Variants in MECOM observed in about 807,000 individuals in gnomAD.
The protein encoded by MECOM is MDS1 and EVI1 complex locus.
Under a neutral mutation model 116.3 loss-of-function variants are expected in MECOM, and 13 were observed. The ratio of observed to expected loss-of-function variants is 0.11; its 90% CI spans 0.07 to 0.18. The LOEUF (loss-of-function observed/expected upper bound fraction) is 0.18. MECOM is among the 10% of genes least tolerant of loss of function. The pLI is 1.00. For missense variants in MECOM, 1,299 were observed against 1,509.0 expected (o/e 0.86, Z 2.31); for synonymous variants, 528 against 535.2 (o/e 0.99, Z 0.19).
chr3:169,147,947 G>T (rs1740427778), intron 2 of MECOM, among the ~76,000 whole-genome samples: 1 of 151,930 alleles, frequency 6.6e-6, no homozygotes. Context: ...AAATAGTTTA[G>T]AAATTCTCAG....
At chr3:169,286,873 T>C (rs1017487562) in intron 2 of MECOM, among the ~76,000 whole-genome samples, 1 of 152,118 alleles carries the variant, frequency 6.6e-6, no homozygotes, top group African/African-American at 2.4e-5. Flanking sequence ...GCCTCCCTTA[T>C]TCTGATCTCA....
At position 169,612,847 on chromosome 3, in the gene MECOM, C is replaced by T. The variant is rs558448210; in HGVS notation, c.37+50489G>A. ...ACTGTCCTATACACCTAAAGATTTC[C>T]CCACAAGAGAAAGGGTTAGGCCGTA... is the stretch of plus-strand genomic sequence containing the variant. On this transcript the variant is annotated intron_variant, in intron 1 of 16. Coordinates refer to ENST00000651503, the MANE Select transcript of MECOM (RefSeq NM_004991.4). Among the ~76,000 whole-genome samples, 7 of 152,216 alleles carry T rather than the reference C, an allele frequency of 4.6e-5. No homozygotes were observed. In the East Asian group the frequency reaches 1.2e-3, roughly 25 times the overall value.
chr3:169,526,100 T>C (rs1056220615), intron 1 of MECOM, among the ~76,000 whole-genome samples: 3 of 151,948 alleles, frequency 2.0e-5, no homozygotes, highest in Non-Finnish European at 4.4e-5. Flanking sequence ...ACAAATGCAC[T>C]GGAGGAAAAC....
At chr3:169,126,806 G>C (rs1429928559) in intron 5 of MECOM, among the ~76,000 whole-genome samples, 1 of 151,914 alleles carries the variant, frequency 6.6e-6, no homozygotes, top group Non-Finnish European at 1.5e-5. Context: ...CTAAACATGA[G>C]GTGAAAATGA....
intron 2 of MECOM, chr3:169,146,328 C>A: frequency 7.7e-7 from 1 of 1,297,766 alleles, no homozygotes. Context: ...GAGAGCGGCT[C>A]CAAAGTCGCG....
intron 1 of MECOM, among the ~76,000 whole-genome samples, chr3:169,472,633 A>AAAAGAAAAGGAAAGGAAAGG (rs1749680508): frequency 1.5e-4 from 9 of 60,334 alleles, no homozygotes; most frequent in African/African-American, 2.1e-4. Context: ...AAAAGAAAAG[A>AAAAGAAAAGGAAAGGAAAGG]AAAGGAAAGG....
At chr3:169,170,423 A>C (rs1263907765) in intron 2 of MECOM, among the ~76,000 whole-genome samples, 1 of 151,714 alleles carries the variant, frequency 6.6e-6, no homozygotes, top group Non-Finnish European at 1.5e-5. Flanking sequence ...AAAAAAAAAA[A>C]AAAAATCAAA....
At chr3:169,190,620 G>A (rs143157226) in intron 2 of MECOM, among the ~76,000 whole-genome samples, 52 of 152,066 alleles carry the variant, frequency 3.4e-4, no homozygotes, top group Non-Finnish European at 6.9e-4. Flanking sequence ...TCAGAGAAGT[G>A]GCTTGTCCAA....
chr3:169,465,867 T>C (rs1001345555), intron 1 of MECOM, among the ~76,000 whole-genome samples: 18 of 152,228 alleles, frequency 1.2e-4, no homozygotes, highest in Non-Finnish European at 2.9e-5. Context: ...CAATTACAGT[T>C]CTTCTGGGCT....
intron 1 of MECOM, among the ~76,000 whole-genome samples, chr3:169,480,010 C>T (rs371869420): frequency 1.6e-4 from 25 of 152,152 alleles, no homozygotes; most frequent in African/African-American, 5.8e-4. Context: ...ACTCCAGATT[C>T]GATGTACTTT....
At chr3:169,131,797 G>A in intron 3 of MECOM, 1 of 725,544 alleles carries the variant, frequency 1.4e-6, no homozygotes, top group Non-Finnish European at 1.9e-6. Flanking sequence ...TTAATGCAAG[G>A]CTAGCTGCGT....
intron 2 of MECOM, among the ~76,000 whole-genome samples, chr3:169,299,331 A>G (rs1716262856): frequency 1.3e-5 from 2 of 152,136 alleles, no homozygotes; most frequent in African/African-American, 4.8e-5. Context: ...CACCCAGTGC[A>G]CACCCACGCC....
rs535753151 is a variant in MECOM at position 169,542,810 on chromosome 3, T to C, written c.37+120526A>G. 2.0e-5 allele frequency among the ~76,000 whole-genome samples: 3 copies of C among 152,284 alleles called. No individual in the cohort carries two copies. In the South Asian group the frequency reaches 6.2e-4, roughly 32 times the overall value. ...ATCCACCCAATATTTCAGACATAAG[T>C]ATTCTGGGGTTATCATTAATGATCT... On this transcript the variant is annotated intron_variant, in intron 1 of 16. Transcript: ENST00000651503.
At chr3:169,602,032 GT>G (rs1171997568) in intron 1 of MECOM, among the ~76,000 whole-genome samples, 1 of 152,134 alleles carries the variant, frequency 6.6e-6, no homozygotes, top group Non-Finnish European at 1.5e-5. Context: ...TAATTACCAC[GT>G]ATGGGGAAAG....
At chr3:169,170,174 A>C (rs1744187825) in intron 2 of MECOM, among the ~76,000 whole-genome samples, 1 of 152,096 alleles carries the variant, frequency 6.6e-6, no homozygotes. Flanking sequence ...GCACTTTGGG[A>C]GGCCAAGGCG....
At chr3:169,402,754 C>T (rs1410268257) in intron 1 of MECOM, among the ~76,000 whole-genome samples, 1 of 152,144 alleles carries the variant, frequency 6.6e-6, no homozygotes, top group Admixed American at 6.6e-5. Context: ...TCATGCTTGA[C>T]ATTAGTAGCT....
chr3:169,119,621 C>G (rs1730322494), intron 7 of MECOM, among the ~76,000 whole-genome samples: 1 of 151,980 alleles, frequency 6.6e-6, no homozygotes, highest in Non-Finnish European at 1.5e-5. Context: ...CTAGTTTTTT[C>G]TCACATCAAA....
chr3:169,197,726 CTG>C (rs1487402659), intron 2 of MECOM, among the ~76,000 whole-genome samples: 2 of 151,966 alleles, frequency 1.3e-5, no homozygotes, highest in Admixed American at 6.6e-5. Flanking sequence ...TGTGTGCAAA[CTG>C]AGGTTTGTGA....
chr3:169,305,841 T>G (rs1428841969), intron 2 of MECOM, among the ~76,000 whole-genome samples: 10 of 142,842 alleles, frequency 7.0e-5, no homozygotes, highest in Non-Finnish European at 1.5e-4. Context: ...TGTGTAAAGG[T>G]TTTTTTTTTT....
Sources: gnomAD v4.1 joint callset for allele counts (sites outside exome capture counted in the v4.1 genomes callset) on GRCh38, gnomAD v4.1.1 for gene constraint, MANE v1.5 for transcripts, NCBI Gene and HGNC (gene_info 2026-07-23, HGNC 2026-07-21) for gene names.